Variants in CREB5 observed in about 807,000 individuals in gnomAD.
CREB5 encodes cyclic AMP-responsive element-binding protein 5.
CREB5 carries 19 observed loss-of-function variants against 57.1 expected under a neutral mutation model. The observed-to-expected ratio is 0.33, with a 90% CI of 0.23 to 0.49. The LOEUF (loss-of-function observed/expected upper bound fraction) is 0.49, where lower values mean the gene tolerates loss of function less well. CREB5 is among the 20% of genes least tolerant of loss of function. The probability of loss-of-function intolerance (pLI) is 0.99; values close to 1 mark genes in which losing one functional copy is unlikely to be tolerated. For missense variants in CREB5, 579 were observed against 671.6 expected (o/e 0.86, Z 1.52); for synonymous variants, 238 against 238.3 (o/e 1.00, Z 0.01).
At chr7:28,501,879 C>T (rs1792288993) in intron 3 of CREB5, among the ~76,000 whole-genome samples, 2 of 152,218 alleles carry the variant, frequency 1.3e-5, no homozygotes, top group East Asian at 3.9e-4. Context: ...GTAAGAGACA[C>T]CTTTGTCAGA....
intron 5 of CREB5, among the ~76,000 whole-genome samples, chr7:28,607,742 TG>T (rs1421935192): frequency 0.07 from 268 of 3,836 alleles, 1 homozygote; most frequent in Admixed American, 0.33. Flanking sequence ...GGGCTGTGTG[TG>T]TGTGTGTGTG....
At chr7:28,551,873 TC>T (rs1159318192) in intron 4 of CREB5, among the ~76,000 whole-genome samples, 2 of 108,376 alleles carry the variant, frequency 1.8e-5, no homozygotes, top group Middle Eastern at 4.8e-3. Flanking sequence ...TCTTTCTTTT[TC>T]TTTCTTTCTT....
In CREB5 at chr7:28,346,173, G is replaced by C. The variant is rs1786054549; in HGVS notation, c.-25+46732G>C. ...TCGAGCAGAAAAAGAAATTGGCTAA[G>C]ACACCATCTGTCTTAGTCTATTTAG... On this transcript the variant is annotated intron_variant, in intron 1 of 9. Transcript: ENST00000396299. Among the ~76,000 whole-genome samples the C allele has an allele frequency of 2.6e-5, 4 of 152,158 alleles. No homozygotes were observed. The South Asian group carries it at 8.3e-4, about 32-fold the overall frequency.
At chr7:28,718,637 A>T (rs1802839794) in intron 5 of CREB5, 116 bp from the exon 6 acceptor site, 1 of 1,374,572 alleles carries the variant, frequency 7.3e-7, no homozygotes, top group South Asian at 1.4e-5. Context: ...TGACTCTCCC[A>T]TCAGTGGATC....
chr7:28,408,387 G>T (rs1305976338), upstream of CREB5, among the ~76,000 whole-genome samples: 2 of 152,240 alleles, frequency 1.3e-5, no homozygotes, highest in South Asian at 2.1e-4. Flanking sequence ...CTCAAAGGGA[G>T]AACTTCTGAA....
chr7:28,596,570 G>A (rs142180470), intron 5 of CREB5, among the ~76,000 whole-genome samples: 2 of 152,312 alleles, frequency 1.3e-5, no homozygotes, highest in African/African-American at 4.8e-5. Flanking sequence ...AATGAAACAA[G>A]TTCCTTTTGC....
At chr7:28,728,601 C>T (rs1232316588) in intron 7 of CREB5, among the ~76,000 whole-genome samples, 1 of 152,192 alleles carries the variant, frequency 6.6e-6, no homozygotes, top group Non-Finnish European at 1.5e-5. Context: ...TGTTCTTTAT[C>T]CAAACACATT....
chr7:28,334,899 T>C (rs1389909198), intron 1 of CREB5, among the ~76,000 whole-genome samples: 2 of 152,160 alleles, frequency 1.3e-5, no homozygotes, highest in African/African-American at 4.8e-5. Flanking sequence ...GAAATAGGGG[T>C]CTAATTTCAT....
intron 5 of CREB5, among the ~76,000 whole-genome samples, chr7:28,625,218 T>C (rs1299121712): frequency 2.0e-5 from 3 of 152,200 alleles, no homozygotes; most frequent in Non-Finnish European, 4.4e-5. Context: ...GCCCAGGCCC[T>C]GCTTTTGACC....
At chr7:28,393,658 T>C (rs900236303) in intron 1 of CREB5, among the ~76,000 whole-genome samples, 2 of 152,236 alleles carry the variant, frequency 1.3e-5, no homozygotes, top group Admixed American at 1.3e-4. Flanking sequence ...CAACTATATA[T>C]TGGGGGACTA....
chr7:28,620,761 C>T (rs1797763325), intron 5 of CREB5, among the ~76,000 whole-genome samples: 1 of 152,146 alleles, frequency 6.6e-6, no homozygotes, highest in Admixed American at 6.6e-5. Context: ...TCTAGTCAAC[C>T]ACTTCAGAGT....
At chr7:28,379,401 G>C (rs1234779458) in intron 1 of CREB5, among the ~76,000 whole-genome samples, 6 of 152,240 alleles carry the variant, frequency 3.9e-5, no homozygotes, top group Admixed American at 3.9e-4. Context: ...GGTTCTGAGA[G>C]CTATTGTCTT....
At chr7:28,470,410 C>T (rs1470690810) in intron 1 of CREB5, among the ~76,000 whole-genome samples, 3 of 152,150 alleles carry the variant, frequency 2.0e-5, no homozygotes, top group Non-Finnish European at 4.4e-5. Flanking sequence ...GAATCTCATT[C>T]TTTTTTATGG....
intron 1 of CREB5, among the ~76,000 whole-genome samples, chr7:28,421,902 T>TAG (rs1469275216): frequency 1.7e-4 from 21 of 120,748 alleles, no homozygotes; most frequent in African/African-American, 5.6e-4. Context: ...ACCATATATA[T>TAG]AGAGAGAGTG....
At chr7:28,601,685 A>G (rs1796925129) in intron 5 of CREB5, among the ~76,000 whole-genome samples, 1 of 152,198 alleles carries the variant, frequency 6.6e-6, no homozygotes, top group South Asian at 2.1e-4. Context: ...ACAGAATTTT[A>G]CACTTGAAAC....
intron 4 of CREB5, among the ~76,000 whole-genome samples, chr7:28,568,857 A>C (rs1304390158): frequency 6.6e-6 from 1 of 152,254 alleles, no homozygotes; most frequent in African/African-American, 2.4e-5. Context: ...TTTAACACGT[A>C]GTGCAGGAAA....
intron 4 of CREB5, among the ~76,000 whole-genome samples, chr7:28,527,153 A>C (rs1189680209): frequency 4.6e-5 from 7 of 152,216 alleles, no homozygotes. Context: ...GGCTTTTCCA[A>C]CATCCAAGAA....
At chr7:28,659,254 T>A (rs1223734879) in intron 5 of CREB5, among the ~76,000 whole-genome samples, 4 of 152,086 alleles carry the variant, frequency 2.6e-5, no homozygotes, top group African/African-American at 9.7e-5. Context: ...CTGGAATTGG[T>A]TCCTGTGGCA....
chr7:28,778,295 T>C (rs947198510), intron 7 of CREB5, among the ~76,000 whole-genome samples: 11 of 152,228 alleles, frequency 7.2e-5, no homozygotes, highest in South Asian at 2.1e-4. Context: ...GACAAGGCAT[T>C]AGCTTTTGAA....
Sources: gnomAD v4.1 joint callset for allele counts (sites outside exome capture counted in the v4.1 genomes callset) on GRCh38, gnomAD v4.1.1 for gene constraint, MANE v1.5 for transcripts, NCBI Gene and HGNC (gene_info 2026-07-23, HGNC 2026-07-21) for gene names.